KDM4B: variants seen among roughly 807,000 people sequenced by gnomAD.
KDM4B encodes lysine-specific demethylase 4B.
A neutral mutation model predicts 125.2 loss-of-function variants in KDM4B; 32 were observed. The observed-to-expected ratio is 0.26, with a 90% CI of 0.19 to 0.34. The LOEUF (loss-of-function observed/expected upper bound fraction) is 0.34. KDM4B is among the 10% of genes least tolerant of loss of function. The probability of loss-of-function intolerance (pLI) is 1.00; values close to 1 mark genes in which losing one functional copy is unlikely to be tolerated. For synonymous variants in KDM4B, 721 were observed against 677.9 expected (o/e 1.06, Z -0.99); for missense variants, 1,190 against 1,577.7 (o/e 0.75, Z 4.16).
intron 6 of KDM4B, among the ~76,000 whole-genome samples, chr19:5,058,259 G>C (rs533891012): frequency 6.6e-6 from 1 of 152,216 alleles, no homozygotes; most frequent in Non-Finnish European, 1.5e-5. Context: ...TGCCTGCTCA[G>C]GGCCCAGCAT....
chr19:4,971,378 A>T lies in KDM4B; in HGVS notation c.-109+2148A>T, dbSNP rs946891958. ...GCCGTCCTCTGTGTCCTTCTCTCCC[A>T]CCTGACCACTCTGCCTGTACTTTAA... is the stretch of plus-strand genomic sequence containing the variant. On this transcript the variant is annotated intron_variant, in intron 1 of 22. Coordinates refer to ENST00000159111, the MANE Select transcript of KDM4B (RefSeq NM_015015.3). The surrounding 1 kb of genome is among the most constrained non-coding windows in gnomAD (Gnocchi z 4.1). 5.3e-5 allele frequency among the ~76,000 whole-genome samples: 8 copies of T among 151,140 alleles called. No homozygotes were observed. Among genetic ancestry groups the T allele is most frequent in the Admixed American group, 1.3e-4 (2 of 15,204 alleles).
chr19:5,007,423 T>G (rs1390909871), intron 1 of KDM4B, among the ~76,000 whole-genome samples: 1 of 152,236 alleles, frequency 6.6e-6, no homozygotes, highest in Non-Finnish European at 1.5e-5. Flanking sequence ...TTAGGTTGTT[T>G]GTCTTTTGTT....
At chr19:5,017,402 TCTC>T (rs759772087) in intron 2 of KDM4B, among the ~76,000 whole-genome samples, 17 of 152,312 alleles carry the variant, frequency 1.1e-4, no homozygotes, top group South Asian at 2.1e-4. Flanking sequence ...CTGGTTGCCT[TCTC>T]CTCACAGTGG....
At chr19:5,107,241 G>A (rs1351584537) in intron 9 of KDM4B, among the ~76,000 whole-genome samples, 1 of 152,264 alleles carries the variant, frequency 6.6e-6, no homozygotes, top group African/African-American at 2.4e-5. Context: ...CCTGGGGCGT[G>A]CTCAGGCCTT....
rs911680841 is a variant in KDM4B at position 5,141,522 on chromosome 19, A to C, written c.2551-2445A>C. The C allele has an allele frequency of 2.6e-5, 4 of 152,162 alleles. No individual in the cohort carries two copies. The highest frequency in any genetic ancestry group is 4.4e-5 in the Non-Finnish European group (3 of 68,028). 9.4% of individuals were successfully genotyped at this position (152,162 alleles called of 1,614,324 possible). ...TACACGAGGCCCGCTTGTACTGCTT[A>C]ATGGGGCTTTGCAAGGAGGCGGCGG... On this transcript the variant is annotated intron_variant, in intron 18 of 22. Coordinates refer to ENST00000159111, the MANE Select transcript of KDM4B (RefSeq NM_015015.3). This position sits in a 1 kb window ranked among gnomAD's most constrained non-coding sequence, Gnocchi z 6.4.
At chr19:5,016,420 G>T (rs1007319858) in intron 2 of KDM4B, 81 bp downstream of exon 2, 1 of 152,178 alleles carries the variant, frequency 6.6e-6, no homozygotes, top group Non-Finnish European at 1.5e-5. Context: ...TGGGTGGCCC[G>T]CCAGGGAGAA....
rs1358359010 is a variant in KDM4B at position 5,148,360 on chromosome 19, C to T, written c.3022-1998C>T. On this transcript the variant is annotated intron_variant, in intron 21 of 22. Coordinates refer to ENST00000159111, the MANE Select transcript of KDM4B (RefSeq NM_015015.3). Reference sequence around the variant, plus strand: ...CCAGGCACAGAAGTTTCCCTGGAGCCCACTTGGACCCGGCAGTGTGAGCGC... The same window carrying T: ...CCAGGCACAGAAGTTTCCCTGGAGCTCACTTGGACCCGGCAGTGTGAGCGC... 4.7e-4 allele frequency among the ~76,000 whole-genome samples: 71 copies of T among 152,212 alleles called. 1 individual carries two copies. The highest frequency in any genetic ancestry group is 4.6e-3 in the Admixed American group (71 of 15,282).
intron 3 of KDM4B, among the ~76,000 whole-genome samples, chr19:5,038,696 T>C (rs2036709884): frequency 6.6e-6 from 1 of 152,204 alleles, no homozygotes. Flanking sequence ...CCGGGCTGTG[T>C]TGTGGATCGC....
At chr19:5,133,142 G>T (rs1045601735) in intron 13 of KDM4B, among the ~76,000 whole-genome samples, 11 of 152,232 alleles carry the variant, frequency 7.2e-5, no homozygotes, top group African/African-American at 2.7e-4. Context: ...TGTGTCCACA[G>T]GAGATGCAGG....
intron 11 of KDM4B, among the ~76,000 whole-genome samples, chr19:5,120,804 G>A (rs2039346585): frequency 6.6e-6 from 1 of 152,154 alleles, no homozygotes; most frequent in Non-Finnish European, 1.5e-5. Context: ...CATGCAGGGA[G>A]CAGGTTTGTG....
intron 6 of KDM4B, among the ~76,000 whole-genome samples, chr19:5,064,515 G>A (rs894048926): frequency 2.6e-5 from 4 of 152,200 alleles, no homozygotes; most frequent in African/African-American, 9.7e-5. Flanking sequence ...CCTAATTGCC[G>A]AGAGCTTCCG....
rs2036606708 is a variant in KDM4B at position 5,035,885 on chromosome 19, G to GCGCGCGCGCGCGCCTGCGCGCA, written c.141+2865_141+2866insGCCTGCGCGCACGCGCGCGCGC. Among the ~76,000 whole-genome samples the GCGCGCGCGCGCGCCTGCGCGCA allele has an allele frequency of 1.4e-5, 2 of 141,520 alleles. No homozygotes were observed. Among genetic ancestry groups the GCGCGCGCGCGCGCCTGCGCGCA allele is most frequent in the Non-Finnish European group, 3.1e-5 (2 of 63,898 alleles). The allele number at this position is 141,520 out of a possible 152,430, so 92.8% of individuals were successfully genotyped here. A position where few individuals can be genotyped will look rare whatever the true frequency, so the allele number is the denominator to read the frequency against. ...TCTCTGTGTGTGTGTGTGTGTGCGC[G>GCGCGCGCGCGCGCCTGCGCGCA]CGCGCGCGCGCCTGCGCGCACAGGA... On this transcript the variant is annotated intron_variant, in intron 3 of 22. Coordinates refer to ENST00000159111, the MANE Select transcript of KDM4B (RefSeq NM_015015.3). The surrounding 1 kb of genome is among the most constrained non-coding windows in gnomAD (Gnocchi z 5.3).
chr19:5,103,606 C>T (rs1189283245), intron 9 of KDM4B, among the ~76,000 whole-genome samples: 5 of 152,188 alleles, frequency 3.3e-5, no homozygotes, highest in African/African-American at 9.6e-5. Context: ...CCCCTGAACT[C>T]GACGGCCATC....
chr19:5,109,298 C>T (rs2039093689), intron 9 of KDM4B, among the ~76,000 whole-genome samples: 1 of 152,182 alleles, frequency 6.6e-6, no homozygotes, highest in South Asian at 2.1e-4. Context: ...GATCTGAGTG[C>T]CATGGTGGTA....
At chr19:5,064,854 G>A (rs1197303656) in intron 6 of KDM4B, among the ~76,000 whole-genome samples, 3 of 152,166 alleles carry the variant, frequency 2.0e-5, no homozygotes, top group Admixed American at 6.5e-5. Flanking sequence ...ATGTGTGGCC[G>A]GCACCAGCAT....
At chr19:5,143,878 A>T in intron 18 of KDM4B, 89 bp from the exon 19 acceptor site, 1 of 1,073,282 alleles carries the variant, frequency 9.3e-7, no homozygotes, top group Non-Finnish European at 1.4e-6. Flanking sequence ...GCCTCCCTTG[A>T]AGGCTGTGCC....
chr19:5,043,751 C>T (rs1475838406), intron 5 of KDM4B, among the ~76,000 whole-genome samples: 3 of 140,936 alleles, frequency 2.1e-5, no homozygotes, highest in Non-Finnish European at 4.6e-5. Context: ...GTGGGGGTGT[C>T]CACTGTATCC....
rs370282617 is a variant in KDM4B at position 5,042,684 on chromosome 19, G to C, written c.432+1433G>C. Among the ~76,000 whole-genome samples the C allele has an allele frequency of 1.0e-3, 152 of 151,754 alleles. 1 individual carries two copies. The highest frequency in any genetic ancestry group is 3.4e-3 in the Middle Eastern group (1 of 294). ...TCTTACACAGCAGGAGAGAGTGAGG[G>C]GGGGGGCGCCGTAGGCTTTTCAACA... On this transcript the variant is annotated intron_variant, in intron 5 of 22. Transcript: ENST00000159111.
intron 11 of KDM4B, among the ~76,000 whole-genome samples, chr19:5,123,896 A>G (rs1432563176): frequency 6.6e-6 from 1 of 150,436 alleles, no homozygotes; most frequent in Non-Finnish European, 1.5e-5. Flanking sequence ...TTCAGGTTCT[A>G]TTCCAAGGGG....
Sources: allele counts gnomAD v4.1 joint callset (sites outside exome capture counted in the v4.1 genomes callset), GRCh38; gene constraint gnomAD v4.1.1; non-coding constraint Gnocchi (gnomAD v3.1); transcripts MANE v1.5; gene names NCBI Gene and HGNC (gene_info 2026-07-23, HGNC 2026-07-21).